The following SLC14A2 variants were observed in gnomAD, a reference collection of about 807,000 sequenced individuals.
SLC14A2 encodes the protein urea transporter 2.
SLC14A2 carries 91 observed loss-of-function variants against 104.6 expected under a neutral mutation model. The ratio of observed to expected loss-of-function variants is 0.87; its 90% CI spans 0.73 to 1.04. The LOEUF (loss-of-function observed/expected upper bound fraction) is 1.04, where lower values mean the gene tolerates loss of function less well. Among genes scored for constraint, SLC14A2 ranks in the 50% least tolerant of loss-of-function variants. The pLI, the probability that SLC14A2 is intolerant of heterozygous loss-of-function variation, is 0.00. For synonymous variants in SLC14A2, 476 were observed against 466.4 expected (o/e 1.02, Z -0.27); for missense variants, 1,189 against 1,156.0 (o/e 1.03, Z -0.41).
chr18:45,458,477 G>A (rs2144632823), intron 1 of SLC14A2, among the ~76,000 whole-genome samples: 1 of 152,254 alleles, frequency 6.6e-6, no homozygotes, highest in African/African-American at 2.4e-5. Flanking sequence ...TTCCGGCTGT[G>A]TGGGCTCCAC....
At chr18:45,352,455 T>A (rs1302499101) in intron 1 of SLC14A2, among the ~76,000 whole-genome samples, 1 of 152,150 alleles carries the variant, frequency 6.6e-6, no homozygotes, top group African/African-American at 2.4e-5. Flanking sequence ...TTGATACCTT[T>A]ATTTATTTAT....
intron 1 of SLC14A2, among the ~76,000 whole-genome samples, chr18:45,407,364 A>G (rs1310559952): frequency 6.6e-6 from 1 of 152,174 alleles, no homozygotes; most frequent in Non-Finnish European, 1.5e-5. Flanking sequence ...ATAGAATTGA[A>G]GTGTTAGAGC....
At chr18:45,529,937 A>G (rs1429873357) in intron 2 of SLC14A2, 1 of 152,186 alleles carries the variant, frequency 6.6e-6, no homozygotes, top group Non-Finnish European at 1.5e-5. Flanking sequence ...CCAGGCACCA[A>G]GATGGTTCAC....
upstream of SLC14A2, among the ~76,000 whole-genome samples, chr18:45,613,848 G>C (rs9959908): frequency 5.3e-3 from 809 of 152,354 alleles, 5 homozygotes; most frequent in African/African-American, 0.018. Context: ...GAGAAGTAGA[G>C]CATAAAAGTT....
intron 1 of SLC14A2, among the ~76,000 whole-genome samples, chr18:45,356,694 T>C (rs2085557684): frequency 6.6e-6 from 1 of 152,142 alleles, no homozygotes; most frequent in Non-Finnish European, 1.5e-5. Flanking sequence ...GTATCAGAGG[T>C]GCTCAAACAT....
chr18:45,511,826 T>C (rs1344921905), intron 2 of SLC14A2, among the ~76,000 whole-genome samples: 2 of 152,202 alleles, frequency 1.3e-5, no homozygotes, highest in African/African-American at 2.4e-5. Flanking sequence ...AGAGTACAGA[T>C]CCCAAGGTGC....
chr18:45,196,045 C>T, the SLC14A2 span, among the ~76,000 whole-genome samples: 1 of 152,142 alleles, frequency 6.6e-6, no homozygotes, highest in African/African-American at 2.4e-5. Context: ...AAGTGAAGTA[C>T]AGAAACAGCC....
intron 1 of SLC14A2, among the ~76,000 whole-genome samples, chr18:45,273,157 T>A (rs2084668208): frequency 6.6e-6 from 1 of 152,156 alleles, no homozygotes; most frequent in South Asian, 2.1e-4. Flanking sequence ...ATTACTCGAC[T>A]CTCGCTTTGC....
chr18:45,248,572 C>T (rs2084390015), intron 1 of SLC14A2, among the ~76,000 whole-genome samples: 1 of 152,066 alleles, frequency 6.6e-6, no homozygotes, highest in African/African-American at 2.4e-5. Context: ...TCCCGACAAG[C>T]AGTTGGAACT....
At chr18:45,581,886 C>G (rs1366541149) in intron 2 of SLC14A2, among the ~76,000 whole-genome samples, 1 of 151,904 alleles carries the variant, frequency 6.6e-6, no homozygotes, top group Non-Finnish European at 1.5e-5. Context: ...CCCTCATTTC[C>G]CCATTGTGTG....
At chr18:45,436,517 A>G (rs1021583599) in intron 1 of SLC14A2, 14 of 152,194 alleles carry the variant, frequency 9.2e-5, no homozygotes, top group Non-Finnish European at 2.9e-5. Context: ...CTTTCCCTCT[A>G]TCACTTCTTT....
chr18:45,356,394 A>G (rs1010181834), intron 1 of SLC14A2, among the ~76,000 whole-genome samples: 3 of 152,252 alleles, frequency 2.0e-5, no homozygotes, highest in Non-Finnish European at 4.4e-5. Context: ...CTGGTTAAAC[A>G]GCAAAACCCA....
At chr18:45,585,409 A>G (rs118170703) in intron 2 of SLC14A2, among the ~76,000 whole-genome samples, 2,436 of 152,318 alleles carry the variant, frequency 0.016, 36 homozygotes, top group Middle Eastern at 0.044. Context: ...TTAACCTAGT[A>G]TATTTCCAGT....
intron 2 of SLC14A2, among the ~76,000 whole-genome samples, chr18:45,551,599 C>T (rs1367062047): frequency 6.6e-6 from 1 of 152,118 alleles, no homozygotes; most frequent in African/African-American, 2.4e-5. Context: ...GATGTGTCAA[C>T]ATGAGGGCTA....
intron 1 of SLC14A2, among the ~76,000 whole-genome samples, chr18:45,276,759 T>C (rs2144131996): frequency 6.6e-6 from 1 of 152,350 alleles, no homozygotes; most frequent in Non-Finnish European, 1.5e-5. Flanking sequence ...TTTTATTTTA[T>C]TGGTCTGCAA....
chr18:45,646,702 A>G (rs777046110), intron 10 of SLC14A2: 1 of 151,590 alleles, frequency 6.6e-6, no homozygotes, highest in Admixed American at 6.6e-5. Flanking sequence ...TCATCTCACG[A>G]GACTGGAGAG....
At chr18:45,211,560 ACCTTCTTG>A (rs1225865847), upstream of SLC14A2, among the ~76,000 whole-genome samples, 1 of 151,908 alleles carries the variant, frequency 6.6e-6, no homozygotes, top group Non-Finnish European at 1.5e-5. Context: ...CTTTCTTCTT[ACCTTCTTG>A]CCTTCTCTTT....
At chr18:45,424,650 A>G (rs9957090) in intron 1 of SLC14A2, among the ~76,000 whole-genome samples, 2,997 of 152,296 alleles carry the variant, frequency 0.02, 108 homozygotes, top group African/African-American at 0.069. Flanking sequence ...TTGACTTTCA[A>G]ACATGCTGTG....
At chr18:45,649,567 T>C (rs982645602) in intron 10 of SLC14A2, among the ~76,000 whole-genome samples, 3 of 152,234 alleles carry the variant, frequency 2.0e-5, no homozygotes, top group Admixed American at 2.0e-4. Flanking sequence ...CTTCTTCCCC[T>C]GTCTTGCTAT....
Sources: allele counts gnomAD v4.1 joint callset (sites outside exome capture counted in the v4.1 genomes callset), GRCh38; gene constraint gnomAD v4.1.1; transcripts MANE v1.5; gene names NCBI Gene and HGNC (gene_info 2026-07-23, HGNC 2026-07-21).